ST8SIA1: variants seen among roughly 807,000 people sequenced by gnomAD.
The protein encoded by ST8SIA1 is alpha-N-acetylneuraminide alpha-2,8-sialyltransferase.
A neutral mutation model predicts 35.9 loss-of-function variants in ST8SIA1; 16 were observed. The observed-to-expected ratio is 0.45, with a 90% CI of 0.30 to 0.68. The LOEUF (loss-of-function observed/expected upper bound fraction) is 0.68, where lower values mean the gene tolerates loss of function less well. Ranked by LOEUF, ST8SIA1 falls within the 30% of genes least tolerant of loss-of-function variation. ST8SIA1 has a pLI of 0.09. For synonymous variants in ST8SIA1, 170 were observed against 169.6 expected (o/e 1.00, Z -0.02); for missense variants, 383 against 453.6 (o/e 0.84, Z 1.41).
Position 22,199,133 on chromosome 12 carries a change from C to T in ST8SIA1, c.*2419G>A, listed in dbSNP as rs1181489647. On this transcript the variant is annotated 3_prime_UTR_variant, in exon 5 of 5. Coordinates refer to ENST00000396037, the MANE Select transcript of ST8SIA1 (RefSeq NM_003034.4). ...ATCATAAAAAGATGAAAAATTTCCACATAATATTTTCTTTCTTTTTCTTTT... is the reference window on the plus strand; with the variant it reads ...ATCATAAAAAGATGAAAAATTTCCATATAATATTTTCTTTCTTTTTCTTTT... The T allele has an allele frequency of 6.7e-6, 1 of 150,166 alleles. No homozygotes were observed. The highest frequency in any genetic ancestry group is 1.5e-5 in the Non-Finnish European group (1 of 67,822). 9.3% of individuals were successfully genotyped at this position (150,166 alleles called of 1,614,324 possible).
At chr12:22,223,799 G>A in intron 4 of ST8SIA1, 1 of 1,243,476 alleles carries the variant, frequency 8.0e-7, no homozygotes, top group South Asian at 1.4e-5. Context: ...TTTATGCTTA[G>A]GCTAGTTAGA....
At chr12:22,252,020 T>A (rs936256083) in intron 3 of ST8SIA1, among the ~76,000 whole-genome samples, 1 of 152,222 alleles carries the variant, frequency 6.6e-6, no homozygotes, top group Admixed American at 6.5e-5. Flanking sequence ...AACTTTTGTC[T>A]GGCAAATCTT....
In ST8SIA1 at chr12:22,266,373, TC is replaced by T. The variant is rs566642751; in HGVS notation, c.382-10985del. On this transcript the variant is annotated intron_variant, in intron 2 of 4. Coordinates refer to ENST00000396037, the MANE Select transcript of ST8SIA1 (RefSeq NM_003034.4). ...TAAATGCACGTGGAATTGAAACAAA[TC>T]ATTTATTCAATACTTCAGAGACTTC... Among the ~76,000 whole-genome samples, 939 of 152,154 alleles carry T rather than the reference TC, an allele frequency of 6.2e-3. 14 individuals are homozygous for T. The highest frequency in any genetic ancestry group is 0.021 in the African/African-American group (876 of 41,510).
chr12:22,281,964 G>A (rs1016069242), intron 2 of ST8SIA1, among the ~76,000 whole-genome samples: 11 of 151,992 alleles, frequency 7.2e-5, no homozygotes, highest in Non-Finnish European at 1.0e-4. Flanking sequence ...AGCCATGATC[G>A]TGCCACTGCA....
At chr12:22,328,531 T>C (rs560236143) in intron 1 of ST8SIA1, among the ~76,000 whole-genome samples, 2 of 152,344 alleles carry the variant, frequency 1.3e-5, no homozygotes, top group South Asian at 2.1e-4. Flanking sequence ...CATTATCCTA[T>C]AAATTCCAAG....
At chr12:22,302,148 T>C (rs186046722) in intron 1 of ST8SIA1, among the ~76,000 whole-genome samples, 30 of 152,300 alleles carry the variant, frequency 2.0e-4, no homozygotes, top group African/African-American at 7.2e-4. Context: ...CTAAGGTTTT[T>C]CAATTTTTAT....
intron 4 of ST8SIA1, among the ~76,000 whole-genome samples, chr12:22,228,978 C>T (rs373342430): frequency 2.8e-5 from 4 of 143,932 alleles, no homozygotes; most frequent in East Asian, 2.2e-4. Context: ...CACTTGAAGC[C>T]GGGAGGCGGA....
At chr12:22,207,120 C>T (rs1182664655) in intron 4 of ST8SIA1, among the ~76,000 whole-genome samples, 1 of 152,136 alleles carries the variant, frequency 6.6e-6, no homozygotes, top group Non-Finnish European at 1.5e-5. Flanking sequence ...CCCAGATAGG[C>T]CAATGTGCAG....
chr12:22,242,480 T>C (rs537038355), intron 4 of ST8SIA1, among the ~76,000 whole-genome samples: 51 of 152,314 alleles, frequency 3.3e-4, no homozygotes, highest in Middle Eastern at 3.4e-3. Context: ...CATATGTATA[T>C]AATGCCCTGA....
At chr12:22,283,345 T>C (rs1866059092) in intron 2 of ST8SIA1, among the ~76,000 whole-genome samples, 1 of 152,212 alleles carries the variant, frequency 6.6e-6, no homozygotes, top group African/African-American at 2.4e-5. Flanking sequence ...GCCTCACTCA[T>C]TTCCATGGAA....
rs531133166 is a variant in ST8SIA1 at position 22,235,911 on chromosome 12, C to CAG, written c.584+13094_584+13095insCT. Among the ~76,000 whole-genome samples, 989 of 151,990 alleles carry CAG rather than the reference C, an allele frequency of 6.5e-3. 8 individuals are homozygous for CAG. The highest frequency in any genetic ancestry group is 0.01 in the Non-Finnish European group (703 of 67,956). The stretch of plus-strand genomic sequence containing the variant: ...CCTTCACCACACACACACACACACA[C>CAG]ACACGTGCACATACACACGCTAATG... On this transcript the variant is annotated intron_variant, in intron 4 of 4. Transcript: ENST00000396037.
At chr12:22,323,071 T>C (rs1267237402) in intron 1 of ST8SIA1, among the ~76,000 whole-genome samples, 1 of 152,218 alleles carries the variant, frequency 6.6e-6, no homozygotes, top group Admixed American at 6.5e-5. Context: ...TTATCAGCTG[T>C]ACTGTAATGG....
rs1159915857 is a variant in ST8SIA1 at position 22,199,796 on chromosome 12, T to G, written c.*1756A>C. On this transcript the variant is annotated 3_prime_UTR_variant, in exon 5 of 5. Coordinates refer to ENST00000396037, the MANE Select transcript of ST8SIA1 (RefSeq NM_003034.4). ...AGCCATTATTGTTTACGTGGTAACATGGTATGCTGAGTTTTTACTGTTAAA... is the reference window on the plus strand; with the variant it reads ...AGCCATTATTGTTTACGTGGTAACAGGGTATGCTGAGTTTTTACTGTTAAA... 1 of 152,198 alleles carries G rather than the reference T, an allele frequency of 6.6e-6. No homozygotes were observed. The highest frequency in any genetic ancestry group is 1.5e-5 in the Non-Finnish European group (1 of 68,022). The allele number at this position is 152,198 out of a possible 1,614,324, so 9.4% of individuals were successfully genotyped here. A position where few individuals can be genotyped will look rare whatever the true frequency, so the allele number is the denominator to read the frequency against.
At chr12:22,260,136 G>T (rs1865772425) in intron 2 of ST8SIA1, among the ~76,000 whole-genome samples, 1 of 151,274 alleles carries the variant, frequency 6.6e-6, no homozygotes, top group Non-Finnish European at 1.5e-5. Context: ...CTATAGTAAT[G>T]AGCTCAAGGG....
At chr12:22,249,186 C>T (rs1865637130) in intron 3 of ST8SIA1, 88 bp from the exon 4 acceptor site, 5 of 841,154 alleles carry the variant, frequency 5.9e-6, no homozygotes, top group East Asian at 2.7e-5. Context: ...GTTATTAATT[C>T]TAGCTGAATT....
At chr12:22,223,715 G>C in intron 4 of ST8SIA1, 4 of 1,246,436 alleles carry the variant, frequency 3.2e-6, no homozygotes, top group Non-Finnish European at 4.1e-6. Context: ...TTTTGGAGCT[G>C]TTTTCCATTT....
chr12:22,320,971 GA>G (rs746329045), intron 1 of ST8SIA1, among the ~76,000 whole-genome samples: 3 of 75,708 alleles, frequency 4.0e-5, no homozygotes, highest in African/African-American at 1.5e-4. Context: ...AAGAAAGAAA[GA>G]AAGAAAGAAA....
At chr12:22,279,534 G>A (rs1382642139) in intron 2 of ST8SIA1, among the ~76,000 whole-genome samples, 1 of 152,206 alleles carries the variant, frequency 6.6e-6, no homozygotes, top group East Asian at 1.9e-4. Context: ...GAAGCTGCCA[G>A]TTGTCAAAAC....
chr12:22,264,971 A>T (rs930683447), intron 2 of ST8SIA1, among the ~76,000 whole-genome samples: 7 of 152,264 alleles, frequency 4.6e-5, no homozygotes, highest in African/African-American at 1.7e-4. Context: ...AATCCATTAT[A>T]AAAAATAACA....
Sources: gnomAD v4.1 joint callset for allele counts (sites outside exome capture counted in the v4.1 genomes callset) on GRCh38, gnomAD v4.1.1 for gene constraint, MANE v1.5 for transcripts, NCBI Gene and HGNC (gene_info 2026-07-23, HGNC 2026-07-21) for gene names.